The following ADGRV1 variants were observed in gnomAD, a reference collection of about 807,000 sequenced individuals.
ADGRV1 encodes the protein G-protein coupled receptor 98.
Under a neutral mutation model 596.2 loss-of-function variants are expected in ADGRV1, and 359 were observed. The ratio of observed to expected loss-of-function variants is 0.60; its 90% CI spans 0.55 to 0.66. The LOEUF is 0.66. ADGRV1 is among the 30% of genes least tolerant of loss of function. The pLI is 0.00. For synonymous variants in ADGRV1, 2,681 were observed against 2,679.2 expected (o/e 1.00, Z -0.02); for missense variants, 7,274 against 7,575.6 (o/e 0.96, Z 1.48).
chr5:91,137,777 G>C (rs899040932), intron 87 of ADGRV1, among the ~76,000 whole-genome samples: 1 of 152,112 alleles, frequency 6.6e-6, no homozygotes, highest in Non-Finnish European at 1.5e-5. Flanking sequence ...AAACACTTTG[G>C]AGGCAAGACC....
rs184329927 is a variant in ADGRV1, at chr5:90,702,543, T to C, written c.8156-1122T>C. ...TCTCTAAATTAATTAATTCATGATA[T>C]TTTAAGAAATCTTCCTATAAGAAAT... On this transcript the variant is annotated intron_variant, in intron 34 of 89. Coordinates refer to ENST00000405460, the MANE Select transcript of ADGRV1 (RefSeq NM_032119.4). Among the ~76,000 whole-genome samples the C allele has an allele frequency of 1.2e-3, 184 of 152,088 alleles. 1 individual carries two copies. The highest frequency in any genetic ancestry group is 3.5e-3 in the Middle Eastern group (1 of 288).
chr5:90,963,929 T>C (rs1450070155), intron 83 of ADGRV1, among the ~76,000 whole-genome samples: 1 of 151,594 alleles, frequency 6.6e-6, no homozygotes, highest in Non-Finnish European at 1.5e-5. Context: ...TTATTAATAA[T>C]TATTAATTTT....
At chr5:90,605,741 A>G (rs1762041568) in intron 1 of ADGRV1, among the ~76,000 whole-genome samples, 1 of 152,228 alleles carries the variant, frequency 6.6e-6, no homozygotes, top group Non-Finnish European at 1.5e-5. Flanking sequence ...TAGAGTGTTA[A>G]TACTGGTGCA....
chr5:90,865,200 T>G (rs2150467101), intron 83 of ADGRV1, among the ~76,000 whole-genome samples: 1 of 152,266 alleles, frequency 6.6e-6, no homozygotes, highest in East Asian at 1.9e-4. Flanking sequence ...GGGGCTTGCT[T>G]TGAATTTCAC....
chr5:90,965,610 T>C lies in ADGRV1; in HGVS notation c.17973+79T>C, dbSNP rs1403597146. ...GGAGTGGTCTTAATGTCTGATACTC[T>C]GTACTGAAGTAGAAGTAATTCCGTA... is the stretch of plus-strand genomic sequence containing the variant. On this transcript the variant is annotated intron_variant, in intron 84 of 89. Transcript: ENST00000405460. 6.9e-6 allele frequency: 5 copies of C among 724,294 alleles called. No individual in the cohort carries two copies. In the East Asian group the frequency reaches 7.6e-5, roughly 11 times the overall value. 44.9% of individuals were successfully genotyped at this position (724,294 alleles called of 1,614,324 possible).
At chr5:90,929,017 AACCAC>A (rs1168079760) in intron 83 of ADGRV1, among the ~76,000 whole-genome samples, 21 of 149,920 alleles carry the variant, frequency 1.4e-4, no homozygotes, top group African/African-American at 4.4e-4. Context: ...GTGCTGGGAG[AACCAC>A]TGCTCTCTTC....
chr5:90,741,185 A>C (rs1753920153), intron 50 of ADGRV1, among the ~76,000 whole-genome samples: 1 of 152,038 alleles, frequency 6.6e-6, no homozygotes, highest in Non-Finnish European at 1.5e-5. Context: ...ACATTCTCCC[A>C]GTCCCCAGCC....
At chr5:90,890,319 A>G (rs994304529) in intron 83 of ADGRV1, among the ~76,000 whole-genome samples, 2 of 152,092 alleles carry the variant, frequency 1.3e-5, no homozygotes, top group African/African-American at 4.8e-5. Context: ...TTGTGTGTTC[A>G]TTCCTTCCTG....
At chr5:90,858,218 G>T (rs1457059441) in intron 82 of ADGRV1, among the ~76,000 whole-genome samples, 1 of 152,164 alleles carries the variant, frequency 6.6e-6, no homozygotes, top group Non-Finnish European at 1.5e-5. Context: ...GCATTAGAGT[G>T]CAGCATTATG....
intron 89 of ADGRV1, among the ~76,000 whole-genome samples, chr5:91,157,072 G>A (rs151224709): frequency 6.6e-6 from 1 of 152,306 alleles, no homozygotes; most frequent in East Asian, 1.9e-4. Flanking sequence ...CCACTGTCTA[G>A]TGCCTACTAG....
Position 90,642,658 on chromosome 5 carries a change from C to T in ADGRV1, c.2263C>T (p.Leu755=). The part of the protein sequence containing the change: ...LDRVNVENQV[L]KSGYTSRDLI... ...TAGGGTTAACGTGGAAAACCAAGTGCTGAAATCTGGATATACTAGCCGTGA... is the reference window on the plus strand; with the variant it reads ...TAGGGTTAACGTGGAAAACCAAGTGTTGAAATCTGGATATACTAGCCGTGA... Residue 755 remains leucine (L), a synonymous_variant, in exon 12 of 90, where the codon CTG becomes TTG. Transcript: ENST00000405460. 1.2e-6 allele frequency: 2 copies of T among 1,613,304 alleles called. No homozygotes were observed. The highest frequency in any genetic ancestry group is 1.7e-6 in the Non-Finnish European group (2 of 1,179,468).
At chr5:91,107,005 C>T (rs529962720) in intron 87 of ADGRV1, among the ~76,000 whole-genome samples, 4 of 152,212 alleles carry the variant, frequency 2.6e-5, no homozygotes, top group Non-Finnish European at 5.9e-5. Context: ...AGGAGCAATG[C>T]GGTCTACAGC....
intron 4 of ADGRV1, among the ~76,000 whole-genome samples, chr5:90,620,735 A>G (rs1763956034): frequency 6.6e-6 from 1 of 152,208 alleles, no homozygotes; most frequent in Non-Finnish European, 1.5e-5. Flanking sequence ...TTTTAGGTCT[A>G]ACAGGTAAGT....
At chr5:90,586,003 C>T (rs1758715028) in intron 1 of ADGRV1, among the ~76,000 whole-genome samples, 1 of 152,174 alleles carries the variant, frequency 6.6e-6, no homozygotes, top group African/African-American at 2.4e-5. Context: ...AACTCTTTCT[C>T]CAGCTGTAAG....
chr5:90,997,317 C>T (rs755185191), intron 85 of ADGRV1, among the ~76,000 whole-genome samples: 13 of 152,088 alleles, frequency 8.5e-5, no homozygotes, highest in Non-Finnish European at 1.6e-4. Flanking sequence ...TGCTGTCTTG[C>T]GATAGAGTTC....
intron 58 of ADGRV1, 107 bp downstream of exon 58, chr5:90,759,695 G>GCCACCATGCC: frequency 5.2e-6 from 5 of 953,490 alleles, no homozygotes; most frequent in Non-Finnish European, 8.1e-6. Flanking sequence ...GCCAGGCATG[G>GCCACCATGCC]TGGCTCATGC....
chr5:90,786,153 GA>G (rs1403080815), intron 67 of ADGRV1, among the ~76,000 whole-genome samples: 2 of 142,984 alleles, frequency 1.4e-5, no homozygotes, highest in Non-Finnish European at 3.0e-5. Context: ...CACAAGGATG[GA>G]AAACCAAGCA....
chr5:91,010,263 A>G (rs1782615715), intron 85 of ADGRV1, among the ~76,000 whole-genome samples: 1 of 152,138 alleles, frequency 6.6e-6, no homozygotes, highest in African/African-American at 2.4e-5. Flanking sequence ...CAGTAGTTTC[A>G]TACGCAGTTC....
chr5:90,974,513 T>G (rs1398719989), intron 84 of ADGRV1, among the ~76,000 whole-genome samples: 1 of 151,958 alleles, frequency 6.6e-6, no homozygotes, highest in Non-Finnish European at 1.5e-5. Context: ...TATAGACCAA[T>G]GGAACAGAAC....
Sources: allele counts gnomAD v4.1 joint callset (sites outside exome capture counted in the v4.1 genomes callset), GRCh38; gene constraint gnomAD v4.1.1; transcripts MANE v1.5; gene names NCBI Gene and HGNC (gene_info 2026-07-23, HGNC 2026-07-21).